Variants in TRIO observed in about 807,000 individuals in gnomAD.
The protein encoded by TRIO is triple functional domain protein.
In TRIO, 58 loss-of-function variants were observed where a neutral mutation model predicts 351.9. That is an observed-to-expected ratio of 0.16 (90% CI 0.13 to 0.21). The LOEUF is 0.21. Among genes scored for constraint, TRIO ranks in the 10% least tolerant of loss-of-function variants. The pLI is 1.00. For synonymous variants in TRIO, 1,758 were observed against 1,595.7 expected (o/e 1.10, Z -2.42); for missense variants, 3,201 against 4,027.8 (o/e 0.79, Z 5.56).
intron 11 of TRIO, among the ~76,000 whole-genome samples, chr5:14,338,809 AG>A (rs1741666328): frequency 6.6e-6 from 1 of 152,176 alleles, no homozygotes; most frequent in Non-Finnish European, 1.5e-5. Flanking sequence ...ATCGAGAGGA[AG>A]GGGCAGAGGG....
chr5:14,417,283 C>G (rs982329312), intron 33 of TRIO, among the ~76,000 whole-genome samples: 2 of 152,182 alleles, frequency 1.3e-5, no homozygotes, highest in South Asian at 2.1e-4. Context: ...AAAGCTGATT[C>G]ACTTTGTTGA....
intron 11 of TRIO, among the ~76,000 whole-genome samples, chr5:14,348,485 G>A (rs1417366298): frequency 1.3e-5 from 2 of 152,224 alleles, no homozygotes; most frequent in Admixed American, 6.5e-5. Context: ...TTGTGTGTGC[G>A]TGTGTCTGTA....
chr5:14,380,336 T>TTCGCGCCCCGCCTCCTCCTTCGCTCC (rs1745978606), intron 20 of TRIO, among the ~76,000 whole-genome samples: 2 of 141,160 alleles, frequency 1.4e-5, no homozygotes, highest in African/African-American at 5.9e-5. Context: ...CGCCTCCTCC[T>TTCGCGCCCCGCCTCCTCCTTCGCTCC]TCGCTCCTCG....
intron 19 of TRIO, among the ~76,000 whole-genome samples, chr5:14,377,528 G>A (rs539161365): frequency 6.6e-6 from 1 of 152,218 alleles, no homozygotes; most frequent in African/African-American, 2.4e-5. Flanking sequence ...GGGATTACAG[G>A]CGTGAGCCAC....
chr5:14,419,956 G>A lies in TRIO; in HGVS notation c.5138G>A (p.Cys1713Tyr), dbSNP rs1383320728. 6.2e-7 allele frequency: 1 copy of A among 1,614,260 alleles called. No individual in the cohort carries two copies. Among genetic ancestry groups the A allele is most frequent in the South Asian group, 1.1e-5 (1 of 91,086 alleles). Residue 1713 changes from cysteine (C) to tyrosine (Y), a missense_variant, in exon 34 of 57, where the codon TGT (cysteine) becomes TAT (tyrosine). Physicochemically the swap from Cys to Tyr is radical, Grantham distance 194 (BLOSUM62 -2). Coordinates refer to ENST00000344204, the MANE Select transcript of TRIO (RefSeq NM_007118.4). ...CCAGCGGCAGAAGGCCTGGTCCCCT[G>A]TGGTTCACTGTGCATCGCCCACTCC... ...RSPAAEGLVP[C>Y]GSLCIAHSRS... is the part of the protein sequence containing the mutation.
chr5:14,339,151 C>T (rs1741705771), intron 11 of TRIO, among the ~76,000 whole-genome samples: 1 of 151,986 alleles, frequency 6.6e-6, no homozygotes, highest in Admixed American at 6.5e-5. Context: ...GCAGGAGGGT[C>T]ACTTGAGCTC....
At chr5:14,262,760 GT>G (rs1795427038) in intron 1 of TRIO, among the ~76,000 whole-genome samples, 1 of 151,688 alleles carries the variant, frequency 6.6e-6, no homozygotes, top group Non-Finnish European at 1.5e-5. Context: ...GAGGTCGATG[GT>G]TTATGAGGCA....
intron 34 of TRIO, among the ~76,000 whole-genome samples, chr5:14,449,885 G>T (rs570958449): frequency 5.3e-4 from 80 of 152,202 alleles, no homozygotes; most frequent in African/African-American, 1.8e-3. Context: ...ATTTCTTCAC[G>T]TTTCTTTATT....
rs1756998072 is a variant in TRIO, at chr5:14,497,792, A to G, written c.8020-55A>G. The G allele has an allele frequency of 6.2e-7, 1 of 1,608,924 alleles. No individual in the cohort carries two copies. Among genetic ancestry groups the G allele is most frequent in the Non-Finnish European group, 8.5e-7 (1 of 1,175,272 alleles). On this transcript the variant is annotated intron_variant, in intron 50 of 56. Transcript: ENST00000344204. The surrounding 1 kb of genome is among the most constrained non-coding windows in gnomAD (Gnocchi z 4.4). ...TAATTGTAGCCCTGGAATGAAAGGA[A>G]TACACCTTAAAGTAGCTCATTTCAG... is the stretch of plus-strand genomic sequence containing the variant.
chr5:14,502,387 A>G lies in TRIO; in HGVS notation c.8333-192A>G, dbSNP rs75789633. Among the ~76,000 whole-genome samples the G allele has an allele frequency of 0.019, 2,906 of 152,364 alleles. 84 individuals are homozygous for G. The highest frequency in any genetic ancestry group is 0.061 in the African/African-American group (2,519 of 41,594). On this transcript the variant is annotated intron_variant, in intron 53 of 56. Transcript: ENST00000344204. The stretch of plus-strand genomic sequence containing the variant: ...AAAAATCATTAGTGAACTATTTTGC[A>G]TTCTTCCTTCACACTAAGCCCCAGT...
At chr5:14,421,212 TTTAA>T (rs1391687921) in intron 34 of TRIO, among the ~76,000 whole-genome samples, 20 of 131,556 alleles carry the variant, frequency 1.5e-4, no homozygotes, top group Admixed American at 1.3e-3. Context: ...TTTTCCCTTA[TTTAA>T]TTATTTATTT....
chr5:14,201,466 A>AT (rs1791105434), intron 1 of TRIO, among the ~76,000 whole-genome samples: 1 of 152,146 alleles, frequency 6.6e-6, no homozygotes, highest in Admixed American at 6.5e-5. Context: ...AATACATAGC[A>AT]TTTTTAGTGA....
chr5:14,388,018 T>C, intron 23 of TRIO, 171 bp downstream of exon 23: 1 of 610,120 alleles, frequency 1.6e-6, no homozygotes, highest in East Asian at 2.8e-5. Flanking sequence ...ACTGTCCTCT[T>C]ATCACCTGGT....
intron 8 of TRIO, among the ~76,000 whole-genome samples, chr5:14,314,002 C>T (rs73751339): frequency 0.033 from 4,966 of 152,270 alleles, 292 homozygotes; most frequent in African/African-American, 0.11. Context: ...CAGTTTCTGG[C>T]ACATGTTCAC....
chr5:14,291,504 G>A (rs1736897295), intron 5 of TRIO, among the ~76,000 whole-genome samples: 1 of 151,852 alleles, frequency 6.6e-6, no homozygotes, highest in Admixed American at 6.6e-5. Flanking sequence ...ACTTAAAAGA[G>A]TGAACATTTC....
rs1754774017 is a variant in TRIO at position 14,472,653 on chromosome 5, G to A, written c.5974G>A (p.Val1992Ile). The change falls in exon 39 of 57, where the codon GTT becomes ATT. Residue 1992 changes from valine to isoleucine, a missense_variant. By Grantham distance (29) the Val-to-Ile change is conservative. This residue lies in a region of TRIO where 307 missense variants were observed against 396.5 expected (regional missense o/e 0.77). Coordinates refer to ENST00000344204, the MANE Select transcript of TRIO (RefSeq NM_007118.4). The part of the protein sequence containing the change: ...RDYVRDLGYV[V>I]EGYMALMKED... ...CTATGTGCGGGACCTTGGCTATGTG[G>A]TTGAGGTGTGTATTGCCAGAAATTT... is the stretch of plus-strand genomic sequence containing the variant. The A allele has an allele frequency of 6.2e-7, 1 of 1,613,670 alleles. No individual in the cohort carries two copies. The highest frequency in any genetic ancestry group is 1.3e-5 in the African/African-American group (1 of 74,918).
In TRIO at chr5:14,212,765, T is replaced by G. The variant is rs564570962; in HGVS notation, c.158-58060T>G. 3.9e-5 allele frequency among the ~76,000 whole-genome samples: 6 copies of G among 152,336 alleles called. No homozygotes were observed. In the East Asian group the frequency reaches 1.2e-3, roughly 29 times the overall value. ...TAGCCAGGAAGTTAGGGTTTGGCAC[T>G]TTATTGCTTAATTTTTTAATTTACA... is the stretch of plus-strand genomic sequence containing the variant. On this transcript the variant is annotated intron_variant, in intron 1 of 56. Transcript: ENST00000344204.
chr5:14,444,213 C>A (rs1752275120), intron 34 of TRIO, among the ~76,000 whole-genome samples: 1 of 151,748 alleles, frequency 6.6e-6, no homozygotes, highest in African/African-American at 2.4e-5. Context: ...TGAAGAAATA[C>A]ATAATATGAA....
intron 54 of TRIO, among the ~76,000 whole-genome samples, chr5:14,502,859 G>C (rs966094524): frequency 6.6e-6 from 1 of 152,240 alleles, no homozygotes; most frequent in African/African-American, 2.4e-5. Context: ...GGTTCCAGCA[G>C]AGAGGGCCGA....
Sources: allele counts gnomAD v4.1 joint callset (sites outside exome capture counted in the v4.1 genomes callset), GRCh38; gene constraint gnomAD v4.1.1; regional missense constraint gnomAD v4.1.1; non-coding constraint Gnocchi (gnomAD v3.1); transcripts MANE v1.5; gene names NCBI Gene and HGNC (gene_info 2026-07-23, HGNC 2026-07-21).